The following ZNF521 variants were observed in gnomAD, a reference collection of about 807,000 sequenced individuals.
The protein encoded by ZNF521 is zinc finger protein 521.
In ZNF521, 14 loss-of-function variants were observed where a neutral mutation model predicts 105.5. That is an observed-to-expected ratio of 0.13 (90% confidence interval 0.09 to 0.21). The LOEUF (loss-of-function observed/expected upper bound fraction) is 0.21. Ranked by LOEUF, ZNF521 falls within the 10% of genes least tolerant of loss-of-function variation. ZNF521 has a pLI of 1.00. For synonymous variants in ZNF521, 635 were observed against 606.0 expected, an observed-to-expected ratio of 1.05 and a Z score of -0.70; for missense variants, 1,233 against 1,629.7, an observed-to-expected ratio of 0.76 and a Z score of 4.19.
intron 4 of ZNF521, among the ~76,000 whole-genome samples, chr18:25,196,977 AATG>A (rs1272897992): frequency 6.6e-6 from 1 of 151,820 alleles, no homozygotes; most frequent in Admixed American, 6.6e-5. Flanking sequence ...TGTCTCCAAA[AATG>A]ATGACTGATG....
rs558857508 is a variant in ZNF521 at position 25,062,195 on chromosome 18, G to A, written c.*517C>T. 16 of 204,970 alleles carry A rather than the reference G, an allele frequency of 7.8e-5. No homozygotes were observed. Among genetic ancestry groups the A allele is most frequent in the African/African-American group, 1.1e-4 (5 of 43,714 alleles). The allele number at this position is 204,970 out of a possible 1,614,324, so 12.7% of individuals were successfully genotyped here. On this transcript the variant is annotated 3_prime_UTR_variant, in exon 8 of 8. Transcript: ENST00000361524. ...GCAAGGCTTACAAATATATATATACGGGCCTTATCCAGCTGTGGGGTTCTG... is the reference window on the plus strand; with the variant it reads ...GCAAGGCTTACAAATATATATATACAGGCCTTATCCAGCTGTGGGGTTCTG...
chr18:25,344,891 G>A (rs1184441254), intron 2 of ZNF521, among the ~76,000 whole-genome samples: 1 of 152,162 alleles, frequency 6.6e-6, no homozygotes, highest in East Asian at 1.9e-4. Flanking sequence ...AACCAGCAAT[G>A]TGAATCCTGA....
chr18:25,245,878 G>A (rs1006395657), intron 3 of ZNF521, among the ~76,000 whole-genome samples: 1 of 152,058 alleles, frequency 6.6e-6, no homozygotes, highest in African/African-American at 2.4e-5. Flanking sequence ...CAGATGTGAT[G>A]GTACATGCCT....
chr18:25,224,562 C>T lies in ZNF521; in HGVS notation c.3356G>A (p.Gly1119Asp), dbSNP rs1905967957. 8 of 1,613,904 alleles carry T rather than the reference C, an allele frequency of 5.0e-6. No homozygotes were observed. Among genetic ancestry groups the T allele is most frequent in the Non-Finnish European group, 6.8e-6 (8 of 1,179,988 alleles). Reference protein sequence around the residue: ...VPPGTNRPGLGQNENLSAIEG... With the variant: ...VPPGTNRPGLDQNENLSAIEG... Reference sequence around the variant, plus strand: ...AATGGCACTCAGATTCTCATTCTGGCCCAAGCCTGGTCTATTCGTGCCGGG... The same window carrying T: ...AATGGCACTCAGATTCTCATTCTGGTCCAAGCCTGGTCTATTCGTGCCGGG... The change falls in exon 4 of 8, where the codon GGC becomes GAC. Residue 1119 changes from glycine (G) to aspartate (D), a missense_variant. By Grantham distance (94) the Gly-to-Asp change is moderately conservative (BLOSUM62 -1). This residue lies in a region of ZNF521 where 614 missense variants were observed against 751.5 expected (regional missense o/e 0.82). Coordinates refer to ENST00000361524, the MANE Select transcript of ZNF521 (RefSeq NM_015461.3).
chr18:25,134,176 G>C (rs572822921), intron 5 of ZNF521, among the ~76,000 whole-genome samples: 5 of 152,122 alleles, frequency 3.3e-5, no homozygotes, highest in Admixed American at 6.5e-5. Flanking sequence ...AAAGAACAAG[G>C]CTTGCAGAGT....
chr18:25,219,378 T>C (rs1237064970), intron 4 of ZNF521, among the ~76,000 whole-genome samples: 3 of 151,904 alleles, frequency 2.0e-5, no homozygotes, highest in African/African-American at 2.4e-5. Flanking sequence ...ACAGGTGAAA[T>C]AGAAAACATA....
chr18:25,067,527 A>G (rs1409554639), intron 7 of ZNF521, among the ~76,000 whole-genome samples: 1 of 152,162 alleles, frequency 6.6e-6, no homozygotes, highest in Non-Finnish European at 1.5e-5. Flanking sequence ...AGCTGACCAC[A>G]TTTGCTGGTC....
chr18:25,105,164 G>A (rs561400401), intron 5 of ZNF521, among the ~76,000 whole-genome samples: 5 of 152,190 alleles, frequency 3.3e-5, no homozygotes, highest in East Asian at 1.9e-4. Flanking sequence ...AGCTAGACAC[G>A]TCTCCAAAGG....
At chr18:25,280,097 G>A (rs1242975401) in intron 3 of ZNF521, among the ~76,000 whole-genome samples, 4 of 152,198 alleles carry the variant, frequency 2.6e-5, no homozygotes, top group African/African-American at 7.2e-5. Flanking sequence ...CTTGGAGAAC[G>A]TCACACTCCA....
At chr18:25,179,129 T>C in intron 5 of ZNF521, among the ~76,000 whole-genome samples, 1 of 20,394 alleles carries the variant, frequency 4.9e-5, no homozygotes, top group African/African-American at 3.3e-4. Flanking sequence ...TTTTTTTTTT[T>C]TTTTTTTTTT....
chr18:25,349,714 G>C (rs1247228696), intron 2 of ZNF521, among the ~76,000 whole-genome samples: 1 of 151,532 alleles, frequency 6.6e-6, no homozygotes, highest in Non-Finnish European at 1.5e-5. Context: ...CGGCAGCCAG[G>C]AGGAAGAGGA....
chr18:25,251,930 A>T (rs1030080568), intron 3 of ZNF521, among the ~76,000 whole-genome samples: 1 of 152,234 alleles, frequency 6.6e-6, no homozygotes, highest in Non-Finnish European at 1.5e-5. Context: ...AAATATGTTC[A>T]AGTACTGATA....
chr18:25,220,090 T>C (rs865876755), intron 4 of ZNF521, among the ~76,000 whole-genome samples: 1 of 151,754 alleles, frequency 6.6e-6, no homozygotes, highest in Non-Finnish European at 1.5e-5. Context: ...CTGAGAGCAA[T>C]GAGGGGGAAA....
In ZNF521 at chr18:25,118,124, A is replaced by C. The variant is rs529830634; in HGVS notation, c.3659-26043T>G. On this transcript the variant is annotated intron_variant, in intron 5 of 7. Transcript: ENST00000361524. The stretch of plus-strand genomic sequence containing the variant: ...CTAGAGTCAATAGATCTCAGAAGAC[A>C]GCAGACTAATGCCTTTAAGGTATTA... Among the ~76,000 whole-genome samples, 5 of 152,244 alleles carry C rather than the reference A, an allele frequency of 3.3e-5. No individual in the cohort carries two copies. In the East Asian group the frequency reaches 7.7e-4, roughly 23 times the overall value.
chr18:25,212,565 A>ATATATATATGTGTG (rs1227568202), intron 4 of ZNF521, among the ~76,000 whole-genome samples: 7 of 112,870 alleles, frequency 6.2e-5, no homozygotes, highest in African/African-American at 2.5e-4. Flanking sequence ...ATATATATAT[A>ATATATATATGTGTG]TGTATAGAAA....
At chr18:25,179,753 T>G (rs1439666672) in intron 5 of ZNF521, among the ~76,000 whole-genome samples, 1 of 152,208 alleles carries the variant, frequency 6.6e-6, no homozygotes, top group Non-Finnish European at 1.5e-5. Context: ...CTCCCTAAGC[T>G]GTTGGAAACA....
In ZNF521 at chr18:25,224,253, T is replaced by G. The variant is rs1028578251; in HGVS notation, c.3573+92A>C. On this transcript the variant is annotated intron_variant, in intron 4 of 7. Coordinates refer to ENST00000361524, the MANE Select transcript of ZNF521 (RefSeq NM_015461.3). The stretch of plus-strand genomic sequence containing the variant: ...TTCAATCTAAGCATCTTTTGGCCCA[T>G]GACAATAAATAAAGCTGTGGAGAGT... 4.2e-6 allele frequency: 5 copies of G among 1,203,796 alleles called. No homozygotes were observed. The Admixed American group carries it at 7.1e-5, about 17-fold the overall frequency. 74.6% of individuals were successfully genotyped at this position (1,203,796 alleles called of 1,614,324 possible). A position where few individuals can be genotyped will look rare whatever the true frequency, so the allele number is the denominator to read the frequency against.
chr18:25,292,260 T>C (rs1395149202), intron 3 of ZNF521, among the ~76,000 whole-genome samples: 4 of 152,194 alleles, frequency 2.6e-5, no homozygotes, highest in African/African-American at 9.6e-5. Flanking sequence ...GGATACTTTA[T>C]TCTGGTGAAT....
At chr18:25,340,767 C>A (rs1316104961) in intron 2 of ZNF521, among the ~76,000 whole-genome samples, 9 of 152,136 alleles carry the variant, frequency 5.9e-5, no homozygotes, top group Non-Finnish European at 1.3e-4. Flanking sequence ...GCTAAGGACT[C>A]TCCTAGCCTA....
Sources: allele counts gnomAD v4.1 joint callset (sites outside exome capture counted in the v4.1 genomes callset), GRCh38; gene constraint gnomAD v4.1.1; regional missense constraint gnomAD v4.1.1; transcripts MANE v1.5; gene names NCBI Gene and HGNC (gene_info 2026-07-23, HGNC 2026-07-21).